The following NRXN1 variants were observed in gnomAD, a reference collection of about 807,000 sequenced individuals.
NRXN1 encodes the protein neurexin 1.
In NRXN1, 39 loss-of-function variants were observed where a neutral mutation model predicts 150.9. The observed-to-expected ratio is 0.26, with a 90% CI of 0.20 to 0.34. The LOEUF (loss-of-function observed/expected upper bound fraction) is 0.34. Among genes scored for constraint, NRXN1 ranks in the 10% least tolerant of loss-of-function variants. The pLI, the probability that NRXN1 is intolerant of heterozygous loss-of-function variation, is 1.00. For missense variants in NRXN1, 1,815 were observed against 1,949.9 expected, an observed-to-expected ratio of 0.93 and a Z score of 1.30; for synonymous variants, 924 against 757.0, an observed-to-expected ratio of 1.22 and a Z score of -3.62.
intron 8 of NRXN1, among the ~76,000 whole-genome samples, chr2:50,570,609 G>A (rs929858186): frequency 3.9e-5 from 6 of 152,062 alleles, no homozygotes; most frequent in African/African-American, 1.2e-4. Context: ...TGTAAGCCCA[G>A]GAGCTATGTT....
intron 18 of NRXN1, among the ~76,000 whole-genome samples, chr2:50,093,181 T>A (rs1464679727): frequency 6.6e-6 from 1 of 152,186 alleles, no homozygotes; most frequent in African/African-American, 2.4e-5. Context: ...ATTGGACTTT[T>A]GCTGTTTGTT....
At chr2:49,944,123 A>T (rs1276076571) in intron 21 of NRXN1, among the ~76,000 whole-genome samples, 1 of 152,220 alleles carries the variant, frequency 6.6e-6, no homozygotes, top group Non-Finnish European at 1.5e-5. Flanking sequence ...GAAATTTATT[A>T]CAGCCTGGAG....
intron 1 of NRXN1, among the ~76,000 whole-genome samples, chr2:51,029,407 GTAGTT>G (rs2105342229): frequency 1.3e-5 from 2 of 152,282 alleles, no homozygotes; most frequent in East Asian, 3.9e-4. Context: ...TGACACCCTT[GTAGTT>G]TATTATAACT....
At chr2:50,734,313 A>T (rs1245170101) in intron 5 of NRXN1, among the ~76,000 whole-genome samples, 2 of 152,162 alleles carry the variant, frequency 1.3e-5, no homozygotes, top group African/African-American at 2.4e-5. Context: ...AGAATGGTGC[A>T]TGCTAGTAGT....
At chr2:49,984,536 G>C (rs926137007) in intron 21 of NRXN1, among the ~76,000 whole-genome samples, 1 of 152,004 alleles carries the variant, frequency 6.6e-6, no homozygotes, top group African/African-American at 2.4e-5. Flanking sequence ...GCCAGTGAAG[G>C]GGGGCTCCTT....
chr2:50,271,371 T>C (rs2069603740), intron 17 of NRXN1, among the ~76,000 whole-genome samples: 1 of 152,168 alleles, frequency 6.6e-6, no homozygotes, highest in Non-Finnish European at 1.5e-5. Flanking sequence ...CCAGTGATAA[T>C]TGTCATATTC....
At chr2:50,659,322 A>G (rs1424679840) in intron 5 of NRXN1, among the ~76,000 whole-genome samples, 1 of 152,074 alleles carries the variant, frequency 6.6e-6, no homozygotes, top group East Asian at 1.9e-4. Context: ...TGTTTAATAT[A>G]TATGAAAACA....
At chr2:50,670,498 T>A (rs955370233) in intron 5 of NRXN1, among the ~76,000 whole-genome samples, 1 of 151,968 alleles carries the variant, frequency 6.6e-6, no homozygotes. Context: ...TGTATGTTCT[T>A]CACCCAGTTT....
At chr2:50,427,976 T>C (rs937846352) in intron 17 of NRXN1, among the ~76,000 whole-genome samples, 1 of 152,124 alleles carries the variant, frequency 6.6e-6, no homozygotes, top group African/African-American at 2.4e-5. Context: ...AACAGAAGAA[T>C]TAGAAATAGG....
At chr2:50,110,179 C>T (rs369504059) in intron 18 of NRXN1, among the ~76,000 whole-genome samples, 2 of 152,092 alleles carry the variant, frequency 1.3e-5, no homozygotes, top group African/African-American at 2.4e-5. Context: ...TCAGCTATCC[C>T]TCCCTCCTCA....
At chr2:50,646,246 G>T (rs1019414720) in intron 5 of NRXN1, among the ~76,000 whole-genome samples, 19 of 151,888 alleles carry the variant, frequency 1.3e-4, no homozygotes, top group African/African-American at 4.3e-4. Context: ...ACAAAAGGCC[G>T]CTATTCTGGT....
At chr2:50,748,357 C>G (rs1271849094) in intron 5 of NRXN1, among the ~76,000 whole-genome samples, 1 of 152,104 alleles carries the variant, frequency 6.6e-6, no homozygotes, top group Non-Finnish European at 1.5e-5. Flanking sequence ...GCTAATATCT[C>G]TATGAATAAA....
chr2:50,445,724 A>T (rs141027078), intron 17 of NRXN1, among the ~76,000 whole-genome samples: 348 of 152,310 alleles, frequency 2.3e-3, no homozygotes, highest in African/African-American at 8.0e-3. Context: ...GCAATGACAT[A>T]TGAAAGGACT....
intron 5 of NRXN1, among the ~76,000 whole-genome samples, chr2:50,690,079 GT>G (rs1691855160): frequency 6.6e-6 from 1 of 152,072 alleles, no homozygotes; most frequent in Non-Finnish European, 1.5e-5. Context: ...TAGAGAGAAA[GT>G]TTCATCATGT....
rs1207926523 is a variant in NRXN1 at position 50,410,050 on chromosome 2, T to C, written c.3364+55392A>G. Among the ~76,000 whole-genome samples the C allele has an allele frequency of 2.0e-5, 3 of 152,192 alleles. No homozygotes were observed. In the East Asian group the frequency reaches 5.8e-4, roughly 29 times the overall value. ...CTGCCACATTGACCTTTTTGTCCTG[T>C]GTCCTTCCCATCAGTGCCTGATCTG... is the stretch of plus-strand genomic sequence containing the variant. On this transcript the variant is annotated intron_variant, in intron 17 of 22. Coordinates refer to ENST00000401669, the MANE Select transcript of NRXN1 (RefSeq NM_001330078.2).
At chr2:49,977,998 C>A (rs948395727) in intron 21 of NRXN1, among the ~76,000 whole-genome samples, 2 of 151,990 alleles carry the variant, frequency 1.3e-5, no homozygotes, top group Non-Finnish European at 2.9e-5. Context: ...CCTGTCTCTA[C>A]TAAAAACACA....
intron 5 of NRXN1, among the ~76,000 whole-genome samples, chr2:50,764,774 A>T (rs961169071): frequency 1.3e-5 from 2 of 152,016 alleles, no homozygotes. Flanking sequence ...GAATGTGAAA[A>T]TCAAATCTAC....
In NRXN1 at chr2:50,346,959, C is replaced by A; in HGVS notation, c.3365-109989G>T. ...GCATCCTCTGGTACATGGCGGGGCG[C>A]CCGCCGAGGGGCAGCCGCCGCGGGA... On this transcript the variant is annotated intron_variant, in intron 17 of 22. Coordinates refer to ENST00000401669, the MANE Select transcript of NRXN1 (RefSeq NM_001330078.2). This position sits in a 1 kb window ranked among gnomAD's most constrained non-coding sequence, Gnocchi z 5.0. 2 of 1,367,776 alleles carry A rather than the reference C, an allele frequency of 1.5e-6. No individual in the cohort carries two copies. The highest frequency in any genetic ancestry group is 1.4e-5 in the South Asian group (1 of 69,334). 84.7% of individuals were successfully genotyped at this position (1,367,776 alleles called of 1,614,324 possible).
rs2152697183 is a variant in NRXN1 at position 50,091,359 on chromosome 2, C to T, written c.3682G>A (p.Val1228Met). 1.2e-6 allele frequency: 2 copies of T among 1,614,218 alleles called. No homozygotes were observed. Among genetic ancestry groups the T allele is most frequent in the Non-Finnish European group, 1.7e-6 (2 of 1,180,038 alleles). ...TRSGGNATLQ[V>M]DSWPVIERYP... is the part of the protein sequence containing the mutation. ...CGCTCGATCACTGGCCAGCTGTCCA[C>T]CTGCAACGTGGCATTGCCACCACTC... Residue 1228 changes from valine to methionine, a missense_variant, in exon 19 of 23, where the codon GTG becomes ATG. Around this residue, in one of 6 missense-constraint regions of NRXN1, gnomAD observed 339 missense variants for 440.3 expected, o/e 0.77. Transcript: ENST00000401669.
Sources: gnomAD v4.1 joint callset for allele counts (sites outside exome capture counted in the v4.1 genomes callset) on GRCh38, gnomAD v4.1.1 for gene constraint, gnomAD v4.1.1 regional missense constraint, Gnocchi (gnomAD v3.1) non-coding constraint, MANE v1.5 for transcripts, NCBI Gene and HGNC (gene_info 2026-07-23, HGNC 2026-07-21) for gene names.